The following SLC25A30 variants were observed in gnomAD, a reference collection of about 807,000 sequenced individuals.
The protein encoded by SLC25A30 is kidney mitochondrial carrier protein 1.
Under a neutral mutation model 42.7 loss-of-function variants are expected in SLC25A30, and 29 were observed. The observed-to-expected ratio is 0.68, with a 90% CI of 0.51 to 0.93. The LOEUF is 0.93. SLC25A30 is among the 40% of genes least tolerant of loss of function. The pLI is 0.00. For synonymous variants in SLC25A30, 124 were observed against 131.0 expected (o/e 0.95, Z 0.37); for missense variants, 300 against 359.7 (o/e 0.83, Z 1.34).
At chr13:45,423,912 TA>T in the SLC25A30 span, among the ~76,000 whole-genome samples, 5 of 86,260 alleles carry the variant, frequency 5.8e-5, no homozygotes, top group East Asian at 6.8e-4. Context: ...TAAGAATATA[TA>T]AAAATATATA....
upstream of SLC25A30, among the ~76,000 whole-genome samples, chr13:45,423,387 ACT>A (rs138439888): frequency 0.015 from 2,201 of 147,862 alleles, 52 homozygotes; most frequent in African/African-American, 0.051. Flanking sequence ...ATTTTACGTT[ACT>A]CTCTGCATTT....
chr13:45,414,672 G>A (rs1181641002), intron 1 of SLC25A30, among the ~76,000 whole-genome samples: 33 of 98,004 alleles, frequency 3.4e-4, no homozygotes, highest in Admixed American at 1.2e-3. Flanking sequence ...ACACACACAC[G>A]AAAACGGTTC....
At chr13:45,424,578 AATAT>A in the SLC25A30 span, among the ~76,000 whole-genome samples, 1 of 42,646 alleles carries the variant, frequency 2.3e-5, no homozygotes, top group Non-Finnish European at 4.4e-5. Flanking sequence ...TAAATATATA[AATAT>A]ATATAAATAT....
At chr13:45,424,897 T>G in the SLC25A30 span, among the ~76,000 whole-genome samples, 1 of 37,582 alleles carries the variant, frequency 2.7e-5, no homozygotes, top group Non-Finnish European at 4.7e-5. Context: ...TATATTTAAA[T>G]ATATATAAAT....
chr13:45,425,539 TATATATATATAA>T, the SLC25A30 span, among the ~76,000 whole-genome samples: 5 of 38,238 alleles, frequency 1.3e-4, 1 homozygote, highest in South Asian at 8.6e-4. Flanking sequence ...TATGTATAAG[TATATATATATAA>T]GTATATATAT....
chr13:45,419,787 G>A (rs1011219371), upstream of SLC25A30, among the ~76,000 whole-genome samples: 17 of 151,466 alleles, frequency 1.1e-4, no homozygotes, highest in East Asian at 4.0e-4. Context: ...AAAATTAGCC[G>A]GACGTGGTGA....
intron 7 of SLC25A30, among the ~76,000 whole-genome samples, chr13:45,399,670 T>C (rs2137631926): frequency 6.6e-6 from 1 of 152,250 alleles, no homozygotes; most frequent in South Asian, 2.1e-4. Flanking sequence ...CAAAGGATCA[T>C]AAAACATAAA....
At chr13:45,425,576 A>ACT in the SLC25A30 span, among the ~76,000 whole-genome samples, 7 of 79,386 alleles carry the variant, frequency 8.8e-5, no homozygotes, top group African/African-American at 3.9e-4. Flanking sequence ...ATATATAAGT[A>ACT]TATATATAAA....
At chr13:45,424,586 TA>T in the SLC25A30 span, among the ~76,000 whole-genome samples, 2 of 26,296 alleles carry the variant, frequency 7.6e-5, 1 homozygote, top group Non-Finnish European at 1.5e-4. Flanking sequence ...TAAATATATA[TA>T]AATATATATA....
Position 45,395,837 on chromosome 13 carries a change from T to TA in SLC25A30, c.*136dup. On this transcript the variant is annotated 3_prime_UTR_variant, in exon 10 of 10. Transcript: ENST00000519676. ...AATGCCAACACACAGCAATCTCAACTAACCCAGTCTTCATCTGTTGCTCAC... is the reference window on the plus strand; with the variant it reads ...AATGCCAACACACAGCAATCTCAACTAAACCCAGTCTTCATCTGTTGCTCAC... The TA allele has an allele frequency of 6.4e-7, 1 of 1,573,238 alleles. No homozygotes were observed. The highest frequency in any genetic ancestry group is 8.6e-7 in the Non-Finnish European group (1 of 1,160,622).
At chr13:45,406,955 A>G (rs938006543) in intron 3 of SLC25A30, among the ~76,000 whole-genome samples, 3 of 152,068 alleles carry the variant, frequency 2.0e-5, no homozygotes, top group African/African-American at 7.2e-5. Context: ...CCTACTCCCA[A>G]GGCTTCAACT....
chr13:45,406,679 C>T (rs1371652675), intron 3 of SLC25A30, among the ~76,000 whole-genome samples: 1 of 152,168 alleles, frequency 6.6e-6, no homozygotes, highest in Non-Finnish European at 1.5e-5. Context: ...CTCAAAACTC[C>T]CCTCTTCAAG....
chr13:45,413,555 C>CTTT (rs71070984), intron 1 of SLC25A30, among the ~76,000 whole-genome samples: 22 of 140,344 alleles, frequency 1.6e-4, no homozygotes. Flanking sequence ...GACTCCATCT[C>CTTT]TTTTTTTTTT....
At chr13:45,408,871 C>G in intron 3 of SLC25A30, 56 bp downstream of exon 3, 5 of 1,532,754 alleles carry the variant, frequency 3.3e-6, no homozygotes, top group Non-Finnish European at 4.4e-6. Flanking sequence ...GGTCTGAAGT[C>G]TATACCCATG....
At chr13:45,406,492 G>C (rs1882523263) in intron 3 of SLC25A30, among the ~76,000 whole-genome samples, 1 of 152,210 alleles carries the variant, frequency 6.6e-6, no homozygotes, top group Non-Finnish European at 1.5e-5. Context: ...GAAAATGTAA[G>C]TGAAGAAGTT....
Position 45,394,402 on chromosome 13 carries a change from C to T in SLC25A30, c.*1572G>A. 1.0e-6 allele frequency: 1 copy of T among 985,366 alleles called. No homozygotes were observed. Among genetic ancestry groups the T allele is most frequent in the Non-Finnish European group, 1.2e-6 (1 of 829,922 alleles). 61.0% of individuals were successfully genotyped at this position (985,366 alleles called of 1,614,324 possible). On this transcript the variant is annotated 3_prime_UTR_variant, in exon 10 of 10. Transcript: ENST00000519676. ...TTATCTCATCCTCCAAAAAAACCTGCAGTCCTTCTATTCAGTCTCAACAAA... is the reference window on the plus strand; with the variant it reads ...TTATCTCATCCTCCAAAAAAACCTGTAGTCCTTCTATTCAGTCTCAACAAA...
At chr13:45,409,987 C>T (rs1882863290) in intron 2 of SLC25A30, among the ~76,000 whole-genome samples, 1 of 152,186 alleles carries the variant, frequency 6.6e-6, no homozygotes, top group Non-Finnish European at 1.5e-5. Flanking sequence ...TACCACGGCT[C>T]ATCCAGCTTA....
chr13:45,423,060 G>A (rs567244308), upstream of SLC25A30, among the ~76,000 whole-genome samples: 100 of 152,204 alleles, frequency 6.6e-4, 1 homozygote, highest in African/African-American at 2.2e-3. Flanking sequence ...CAGTAAGCTC[G>A]TTGGGGTAGG....
chr13:45,395,238 T>G lies in SLC25A30; in HGVS notation c.*736A>C. On this transcript the variant is annotated 3_prime_UTR_variant, in exon 10 of 10. Coordinates refer to ENST00000519676, the MANE Select transcript of SLC25A30 (RefSeq NM_001010875.4). ...CATAAAGCTAATTACTAACATGACC[T>G]AAGACAGAACCTAAGCTGCTTGAAA... The G allele has an allele frequency of 1.0e-6, 1 of 985,508 alleles. No homozygotes were observed. The highest frequency in any genetic ancestry group is 1.7e-5 in the African/African-American group (1 of 57,360). 61.0% of individuals were successfully genotyped at this position (985,508 alleles called of 1,614,324 possible). A position where few individuals can be genotyped will look rare whatever the true frequency, so the allele number is the denominator to read the frequency against.
Sources: allele counts gnomAD v4.1 joint callset (sites outside exome capture counted in the v4.1 genomes callset), GRCh38; gene constraint gnomAD v4.1.1; transcripts MANE v1.5; gene names NCBI Gene and HGNC (gene_info 2026-07-23, HGNC 2026-07-21).